Variants in CCDC149 observed in about 807,000 individuals in gnomAD.
CCDC149 encodes the protein coiled-coil domain-containing protein 149.
Under a neutral mutation model 59.9 loss-of-function variants are expected in CCDC149, and 45 were observed. That is an observed-to-expected ratio of 0.75 (90% CI 0.59 to 0.96). The LOEUF is 0.96. CCDC149 is among the 40% of genes least tolerant of loss of function. The pLI, the probability that CCDC149 is intolerant of heterozygous loss-of-function variation, is 0.00. For missense variants in CCDC149, 584 were observed against 664.7 expected, an observed-to-expected ratio of 0.88 and a Z score of 1.33; for synonymous variants, 245 against 260.6, an observed-to-expected ratio of 0.94 and a Z score of 0.58.
chr4:24,808,371 G>GTCAGA lies in CCDC149; in HGVS notation c.*13_*17dup. 1 of 1,443,008 alleles carries GTCAGA rather than the reference G, an allele frequency of 6.9e-7. No homozygotes were observed. The highest frequency in any genetic ancestry group is 9.1e-7 in the Non-Finnish European group (1 of 1,095,688). 89.4% of individuals were successfully genotyped at this position (1,443,008 alleles called of 1,614,324 possible). A position where few individuals can be genotyped will look rare whatever the true frequency, so the allele number is the denominator to read the frequency against. On this transcript the variant is annotated 3_prime_UTR_variant, in exon 13 of 13. Transcript: ENST00000635206. ...TCTGGGGCTTTCAATGTGTCATTGT[G>GTCAGA]TCAGATCCCTCTCCCCTTCAGGTTT... is the stretch of plus-strand genomic sequence containing the variant.
At chr4:24,873,191 C>T (rs867184701) in intron 3 of CCDC149, among the ~76,000 whole-genome samples, 1 of 152,032 alleles carries the variant, frequency 6.6e-6, no homozygotes, top group Admixed American at 6.6e-5. Flanking sequence ...TATGCACCCA[C>T]AGAACAGTAT....
chr4:24,869,086 C>T (rs916548981), intron 3 of CCDC149, among the ~76,000 whole-genome samples: 3 of 152,194 alleles, frequency 2.0e-5, no homozygotes, highest in Non-Finnish European at 2.9e-5. Flanking sequence ...TGTCCTCCTG[C>T]GACTGTTTTA....
chr4:24,842,950 G>A (rs898135909), intron 4 of CCDC149, among the ~76,000 whole-genome samples: 1 of 152,150 alleles, frequency 6.6e-6, no homozygotes, highest in African/African-American at 2.4e-5. Context: ...TCCAGCTTCT[G>A]CTAATCCTAG....
At chr4:24,917,249 G>A (rs538283065), upstream of CCDC149, among the ~76,000 whole-genome samples, 126 of 152,306 alleles carry the variant, frequency 8.3e-4, no homozygotes, top group African/African-American at 2.9e-3. Flanking sequence ...CCTGCCCAGC[G>A]GCAAACAGTC....
intron 1 of CCDC149, among the ~76,000 whole-genome samples, chr4:24,930,589 G>A (rs1435506548): frequency 6.6e-6 from 1 of 151,996 alleles, no homozygotes; most frequent in East Asian, 1.9e-4. Flanking sequence ...TTTAATTTTT[G>A]TTGTAGGGTA....
chr4:24,819,763 G>T, intron 12 of CCDC149, 96 bp downstream of exon 12: 1 of 860,046 alleles, frequency 1.2e-6, no homozygotes, highest in Non-Finnish European at 1.9e-6. Flanking sequence ...CAAAGCAGCA[G>T]CACAAAGGGG....
At chr4:24,874,248 TTTTTTTTTTTTGTTTTGTTTTTTTTTG>T (rs1719249832) in intron 2 of CCDC149, among the ~76,000 whole-genome samples, 1 of 88,630 alleles carries the variant, frequency 1.1e-5, no homozygotes, top group Non-Finnish European at 2.1e-5. Flanking sequence ...AGATTTGTTT[TTTTTTTTTTTTGTTTTGTTTTTTTTTG>T]TTTTTTTGCC....
intron 3 of CCDC149, among the ~76,000 whole-genome samples, chr4:24,861,533 T>C (rs1258229036): frequency 2.6e-5 from 4 of 152,042 alleles, no homozygotes; most frequent in Non-Finnish European, 5.9e-5. Context: ...TTGGGTACAG[T>C]GCACACTGCT....
intron 12 of CCDC149, among the ~76,000 whole-genome samples, chr4:24,818,352 T>C (rs1473080705): frequency 1.3e-5 from 2 of 152,200 alleles, no homozygotes; most frequent in Non-Finnish European, 2.9e-5. Context: ...AATGTGGGTG[T>C]AACTCTGCAG....
chr4:24,963,391 C>A (rs1281693418), intron 1 of CCDC149, among the ~76,000 whole-genome samples: 1 of 152,172 alleles, frequency 6.6e-6, no homozygotes, highest in Non-Finnish European at 1.5e-5. Flanking sequence ...CCCCATCCAG[C>A]AGCAATGAAA....
intron 1 of CCDC149, among the ~76,000 whole-genome samples, chr4:24,978,810 C>T (rs907456001): frequency 2.0e-5 from 3 of 152,226 alleles, no homozygotes; most frequent in Admixed American, 6.5e-5. Context: ...TCACTGGTTT[C>T]CTTTGGTAAA....
chr4:24,891,484 T>G (rs1253441440), intron 1 of CCDC149, among the ~76,000 whole-genome samples: 3 of 152,226 alleles, frequency 2.0e-5, no homozygotes, highest in East Asian at 3.8e-4. Context: ...TGGGCATGAT[T>G]TGACTTGCTC....
intron 3 of CCDC149, among the ~76,000 whole-genome samples, chr4:24,870,403 T>C (rs1038850411): frequency 5.9e-5 from 9 of 152,320 alleles, no homozygotes; most frequent in South Asian, 2.1e-4. Context: ...AATTCGTTTA[T>C]TGTTCAAGCA....
intron 4 of CCDC149, among the ~76,000 whole-genome samples, chr4:24,841,395 A>G (rs1671133778): frequency 6.6e-6 from 1 of 152,250 alleles, no homozygotes; most frequent in Non-Finnish European, 1.5e-5. Flanking sequence ...ACAGCCATAT[A>G]AGAGTCATCT....
chr4:24,839,330 C>T (rs1424343753), intron 4 of CCDC149, among the ~76,000 whole-genome samples: 1 of 152,034 alleles, frequency 6.6e-6, no homozygotes, highest in African/African-American at 2.4e-5. Context: ...CAGGCGCCCA[C>T]CACCATGCCC....
At chr4:24,888,475 T>C (rs892301763) in intron 1 of CCDC149, among the ~76,000 whole-genome samples, 2 of 152,194 alleles carry the variant, frequency 1.3e-5, no homozygotes, top group Non-Finnish European at 2.9e-5. Context: ...CTCATTTTTA[T>C]TGCTTAAAAG....
intron 1 of CCDC149, among the ~76,000 whole-genome samples, chr4:24,923,723 A>G (rs558524454): frequency 3.8e-4 from 58 of 152,356 alleles, no homozygotes; most frequent in African/African-American, 1.3e-3. Flanking sequence ...AGCCTTAGTC[A>G]TGTGTTAAGG....
At position 24,808,523 on chromosome 4, in the gene CCDC149, C is replaced by A. The variant is rs1179471526; in HGVS notation, c.1489G>T (p.Ala497Ser). 1.3e-6 allele frequency: 2 copies of A among 1,538,218 alleles called. No individual in the cohort carries two copies. Among genetic ancestry groups the A allele is most frequent in the African/African-American group, 1.4e-5 (1 of 72,548 alleles). The change falls in exon 13 of 13, where the codon GCC (alanine) becomes TCC (serine). Residue 497 changes from alanine (A) to serine (S), a missense_variant. Transcript: ENST00000635206. ...GATTTAGGGAGCTCCCCCTGGATGGCCAGGCCTGGCGGGGCTGGCCCCGTC... is the reference window on the plus strand; with the variant it reads ...GATTTAGGGAGCTCCCCCTGGATGGACAGGCCTGGCGGGGCTGGCCCCGTC...
chr4:24,903,358 A>G (rs1005841893), intron 1 of CCDC149, among the ~76,000 whole-genome samples: 2 of 152,164 alleles, frequency 1.3e-5, no homozygotes, highest in Non-Finnish European at 2.9e-5. Flanking sequence ...AGTGCAAATG[A>G]GAGCTTGGTA....
Sources: allele counts gnomAD v4.1 joint callset (sites outside exome capture counted in the v4.1 genomes callset), GRCh38; gene constraint gnomAD v4.1.1; transcripts MANE v1.5; gene names NCBI Gene and HGNC (gene_info 2026-07-23, HGNC 2026-07-21).